The following HLCS variants were observed in gnomAD, a reference collection of about 807,000 sequenced individuals.
HLCS encodes the protein holocarboxylase synthetase, also known as biotin--protein ligase.
HLCS carries 53 observed loss-of-function variants against 75.0 expected under a neutral mutation model. The ratio of observed to expected loss-of-function variants is 0.71; its 90% CI spans 0.57 to 0.89. The LOEUF (loss-of-function observed/expected upper bound fraction) is 0.89, where lower values mean the gene tolerates loss of function less well. HLCS is among the 40% of genes least tolerant of loss of function. The pLI, the probability that HLCS is intolerant of heterozygous loss-of-function variation, is 0.00. For synonymous variants in HLCS, 431 were observed against 428.6 expected (o/e 1.01, Z -0.07); for missense variants, 966 against 1,074.0 (o/e 0.90, Z 1.41).
At chr21:36,790,409 A>G (rs2060826005) in intron 6 of HLCS, among the ~76,000 whole-genome samples, 1 of 152,136 alleles carries the variant, frequency 6.6e-6, no homozygotes, top group South Asian at 2.1e-4. Context: ...TCTCAAAACA[A>G]ACAAACAAAC....
intron 6 of HLCS, among the ~76,000 whole-genome samples, chr21:36,782,050 T>C (rs894103006): frequency 6.6e-6 from 1 of 152,198 alleles, no homozygotes; most frequent in African/African-American, 2.4e-5. Flanking sequence ...ACATTTGTCT[T>C]AATGTTAGAT....
chr21:36,926,983 C>T (rs1231012661), intron 5 of HLCS, among the ~76,000 whole-genome samples: 4 of 152,210 alleles, frequency 2.6e-5, no homozygotes, highest in Admixed American at 2.0e-4. Flanking sequence ...TGGGCTTGAG[C>T]GATCCACCTG....
chr21:36,909,259 T>C (rs2065598982), intron 5 of HLCS, among the ~76,000 whole-genome samples: 2 of 152,256 alleles, frequency 1.3e-5, no homozygotes, highest in Non-Finnish European at 2.9e-5. Flanking sequence ...GTCTTGATTG[T>C]AAAGGTAGTT....
chr21:36,970,808 C>T (rs2068765321), upstream of HLCS, among the ~76,000 whole-genome samples: 1 of 152,010 alleles, frequency 6.6e-6, no homozygotes, highest in Non-Finnish European at 1.5e-5. Context: ...CTGGCTAACA[C>T]AGTGAAACCC....
chr21:36,918,245 T>C (rs918398215), intron 5 of HLCS, among the ~76,000 whole-genome samples: 1 of 152,224 alleles, frequency 6.6e-6, no homozygotes, highest in Admixed American at 6.5e-5. Context: ...CAGAAACTTC[T>C]AGAAAATGCT....
At chr21:36,847,225 T>C (rs1452677667) in intron 6 of HLCS, among the ~76,000 whole-genome samples, 1 of 152,186 alleles carries the variant, frequency 6.6e-6, no homozygotes, top group Non-Finnish European at 1.5e-5. Context: ...GATGGCATTT[T>C]TGACATTGAA....
intron 2 of HLCS, among the ~76,000 whole-genome samples, chr21:36,958,522 CT>C (rs1394779270): frequency 6.6e-6 from 1 of 152,212 alleles, no homozygotes; most frequent in African/African-American, 2.4e-5. Flanking sequence ...GGAACAGTGG[CT>C]CACGCCTGTA....
intron 5 of HLCS, among the ~76,000 whole-genome samples, chr21:36,925,688 C>A (rs1029371364): frequency 2.6e-5 from 4 of 152,202 alleles, no homozygotes; most frequent in Non-Finnish European, 5.9e-5. Flanking sequence ...CAGGTCCCAG[C>A]CGGTCCTAAC....
At chr21:36,836,063 G>A (rs148936123) in intron 6 of HLCS, among the ~76,000 whole-genome samples, 21 of 152,080 alleles carry the variant, frequency 1.4e-4, no homozygotes, top group African/African-American at 3.6e-4. Flanking sequence ...TGCCACGTCC[G>A]AACCTTCATT....
chr21:36,833,815 C>T (rs2062304825), intron 6 of HLCS, among the ~76,000 whole-genome samples: 1 of 152,122 alleles, frequency 6.6e-6, no homozygotes, highest in African/African-American at 2.4e-5. Flanking sequence ...ACTGGAACAA[C>T]TGCAGCTTGA....
At chr21:36,966,054 C>G (rs1326370436) in intron 1 of HLCS, among the ~76,000 whole-genome samples, 4 of 152,236 alleles carry the variant, frequency 2.6e-5, no homozygotes, top group Non-Finnish European at 5.9e-5. Flanking sequence ...GCCACCGCTC[C>G]CGGCCCGCCA....
intron 5 of HLCS, among the ~76,000 whole-genome samples, chr21:36,923,983 G>C (rs1185256746): frequency 6.6e-6 from 1 of 152,188 alleles, no homozygotes; most frequent in Non-Finnish European, 1.5e-5. Flanking sequence ...GCTGCCTTTA[G>C]CCGGTGCCGT....
At chr21:36,898,149 G>A (rs2065086153) in intron 5 of HLCS, among the ~76,000 whole-genome samples, 2 of 152,084 alleles carry the variant, frequency 1.3e-5, no homozygotes, top group Admixed American at 6.6e-5. Flanking sequence ...AATGACTTCA[G>A]AAGAAAGCAT....
intron 6 of HLCS, among the ~76,000 whole-genome samples, chr21:36,853,428 C>T (rs2063081263): frequency 6.6e-6 from 1 of 152,070 alleles, no homozygotes; most frequent in African/African-American, 2.4e-5. Context: ...ATTCTGATGA[C>T]AGCAAAAAAT....
chr21:36,882,425 T>A (rs1360746592), intron 6 of HLCS, among the ~76,000 whole-genome samples: 1 of 151,672 alleles, frequency 6.6e-6, no homozygotes, highest in African/African-American at 2.4e-5. Context: ...GTCTGAGATT[T>A]TGGGGTTTTT....
At chr21:36,825,203 G>A (rs2146021774) in intron 6 of HLCS, among the ~76,000 whole-genome samples, 1 of 152,246 alleles carries the variant, frequency 6.6e-6, no homozygotes. Flanking sequence ...ACAACATAGT[G>A]AGAGGTCCTG....
intron 6 of HLCS, among the ~76,000 whole-genome samples, chr21:36,872,566 T>C (rs2063810120): frequency 6.6e-6 from 1 of 152,220 alleles, no homozygotes; most frequent in African/African-American, 2.4e-5. Context: ...ATAGATTAGA[T>C]GTGTCTGTTC....
At chr21:36,775,983 G>A (rs1487847708) in intron 6 of HLCS, among the ~76,000 whole-genome samples, 4 of 152,170 alleles carry the variant, frequency 2.6e-5, no homozygotes, top group African/African-American at 7.2e-5. Context: ...CCAAAGCTGA[G>A]AAGAAGTCCT....
intron 6 of HLCS, among the ~76,000 whole-genome samples, chr21:36,781,271 A>G (rs2060525177): frequency 6.6e-6 from 1 of 152,088 alleles, no homozygotes; most frequent in African/African-American, 2.4e-5. Context: ...AAAAAAAAAA[A>G]AAAAAAGCCT....
Sources: allele counts gnomAD v4.1 joint callset (sites outside exome capture counted in the v4.1 genomes callset), GRCh38; gene constraint gnomAD v4.1.1; transcripts MANE v1.5; gene names NCBI Gene and HGNC (gene_info 2026-07-23, HGNC 2026-07-21).